The following DIPK1A variants were observed in gnomAD, a reference collection of about 807,000 sequenced individuals.
DIPK1A encodes divergent protein kinase domain 1A.
Under a neutral mutation model 40.8 loss-of-function variants are expected in DIPK1A, and 27 were observed. The observed-to-expected ratio is 0.66, with a 90% CI of 0.49 to 0.91. DIPK1A has a LOEUF of 0.91. Ranked by LOEUF, DIPK1A falls within the 40% of genes least tolerant of loss-of-function variation. The pLI is 0.00. For missense variants in DIPK1A, 412 were observed against 505.7 expected, an observed-to-expected ratio of 0.81 and a Z score of 1.78; for synonymous variants, 166 against 171.3, an observed-to-expected ratio of 0.97 and a Z score of 0.24.
At chr1:92,925,716 G>C (rs1650476663) in intron 1 of DIPK1A, among the ~76,000 whole-genome samples, 1 of 151,994 alleles carries the variant, frequency 6.6e-6, no homozygotes, top group African/African-American at 2.4e-5. Context: ...GGCTGGTCTT[G>C]AACTTCGGAC....
At chr1:92,957,670 GAGA>G (rs1238595396) in intron 1 of DIPK1A, among the ~76,000 whole-genome samples, 1 of 152,340 alleles carries the variant, frequency 6.6e-6, no homozygotes, top group East Asian at 1.9e-4. Context: ...AAAAGGCAGA[GAGA>G]AGAAGGACGA....
At chr1:92,918,785 G>A (rs1303232343) in intron 1 of DIPK1A, among the ~76,000 whole-genome samples, 4 of 152,126 alleles carry the variant, frequency 2.6e-5, no homozygotes, top group African/African-American at 9.7e-5. Flanking sequence ...TGGGGAGTGC[G>A]GGTGAGGTGG....
chr1:92,852,201 T>C (rs896434931), intron 2 of DIPK1A, among the ~76,000 whole-genome samples: 3 of 151,990 alleles, frequency 2.0e-5, no homozygotes, highest in Admixed American at 2.0e-4. Context: ...AAATGTCAGA[T>C]AAAAAAAATT....
chr1:92,928,374 G>A (rs1360989261), intron 1 of DIPK1A, among the ~76,000 whole-genome samples: 1 of 152,102 alleles, frequency 6.6e-6, no homozygotes, highest in Admixed American at 6.5e-5. Flanking sequence ...CTACAATACA[G>A]TGCTTTAATT....
chr1:92,941,598 A>T (rs1027113854), intron 1 of DIPK1A, among the ~76,000 whole-genome samples: 1 of 152,190 alleles, frequency 6.6e-6, no homozygotes, highest in East Asian at 1.9e-4. Context: ...TAGTTTTTAC[A>T]TCCAGGGCAA....
chr1:92,865,691 T>C (rs1259151674), intron 2 of DIPK1A, among the ~76,000 whole-genome samples: 1 of 152,198 alleles, frequency 6.6e-6, no homozygotes, highest in Admixed American at 6.5e-5. Flanking sequence ...TAAACTTGAA[T>C]TCAAATTGCA....
intron 1 of DIPK1A, among the ~76,000 whole-genome samples, chr1:92,881,624 A>G (rs1648380330): frequency 6.6e-6 from 1 of 152,210 alleles, no homozygotes. Context: ...GCCTGTGACT[A>G]GGCTCAATGG....
rs947662398 is a variant in DIPK1A, at chr1:92,835,168, G to A, written c.475-2134C>T. 1.3e-5 allele frequency: 7 copies of A among 542,986 alleles called. No homozygotes were observed. In the African/African-American group the frequency reaches 1.3e-4, roughly 10 times the overall value. The allele number at this position is 542,986 out of a possible 1,614,324, so 33.6% of individuals were successfully genotyped here. On this transcript the variant is annotated intron_variant, in intron 4 of 4. Coordinates refer to the DIPK1A transcript ENST00000615519. ...TGCAGCTGTTGAGTTCCAGCAGTAT[G>A]TAAACTTGAATTTGAAAATCCACTT...
intron 1 of DIPK1A, among the ~76,000 whole-genome samples, chr1:92,920,671 G>A (rs1433999408): frequency 6.6e-6 from 1 of 152,214 alleles, no homozygotes; most frequent in East Asian, 1.9e-4. Flanking sequence ...TGGTTGATTG[G>A]TGAGTTAGTC....
At chr1:92,910,716 T>C (rs1279934560) in intron 1 of DIPK1A, among the ~76,000 whole-genome samples, 1 of 152,210 alleles carries the variant, frequency 6.6e-6, no homozygotes, top group Non-Finnish European at 1.5e-5. Context: ...GGTGCAATGA[T>C]ATGCAGCTGT....
At chr1:92,954,793 A>G (rs1265812518) in intron 1 of DIPK1A, among the ~76,000 whole-genome samples, 1 of 152,224 alleles carries the variant, frequency 6.6e-6, no homozygotes, top group Non-Finnish European at 1.5e-5. Flanking sequence ...CCTAACTGCT[A>G]CAAAAAAAGA....
chr1:92,897,769 G>T (rs1449790909), intron 1 of DIPK1A, among the ~76,000 whole-genome samples: 3 of 148,492 alleles, frequency 2.0e-5, no homozygotes, highest in African/African-American at 7.5e-5. Context: ...TTTTTAAAGA[G>T]ACAAGGTGTA....
At position 92,961,366 on chromosome 1, in the gene DIPK1A, G is replaced by A. The variant is rs769488210; in HGVS notation, c.54+10C>T. 4 of 1,506,738 alleles carry A rather than the reference G, an allele frequency of 2.7e-6. No individual in the cohort carries two copies. The highest frequency in any genetic ancestry group is 2.9e-5 in the East Asian group (1 of 34,564). The allele number at this position is 1,506,738 out of a possible 1,614,324, so 93.3% of individuals were successfully genotyped here. A position where few individuals can be genotyped will look rare whatever the true frequency, so the allele number is the denominator to read the frequency against. ...TCCCGCAGCTGGTGGCTGGGCGGCC[G>A]CCGGCCTACCTGGAGGTAATAGGGT... On this transcript the variant is annotated intron_variant, in intron 1 of 4. Transcript: ENST00000370310.
At chr1:92,959,898 A>G (rs1651995388) in intron 1 of DIPK1A, among the ~76,000 whole-genome samples, 1 of 48,448 alleles carries the variant, frequency 2.1e-5, no homozygotes. Flanking sequence ...CAGGCACCCA[A>G]CCAACTTTTT....
In DIPK1A at chr1:92,961,435, T is replaced by G. The variant is rs1652090180; in HGVS notation, c.-6A>C. 1 of 1,503,402 alleles carries G rather than the reference T, an allele frequency of 6.7e-7. No individual in the cohort carries two copies. Among genetic ancestry groups the G allele is most frequent in the South Asian group, 1.2e-5 (1 of 82,890 alleles). 93.1% of individuals were successfully genotyped at this position (1,503,402 alleles called of 1,614,324 possible). A position where few individuals can be genotyped will look rare whatever the true frequency, so the allele number is the denominator to read the frequency against. On this transcript the variant is annotated 5_prime_UTR_variant, in exon 1 of 5. Transcript: ENST00000370310. ...GGACAGAGACTCCTCGCCATGGTAA[T>G]CACACATCGCCCCGCCGCGCTGCAG...
chr1:92,840,147 G>A (rs1687293725), downstream of DIPK1A: 1 of 251,502 alleles, frequency 4.0e-6, no homozygotes, highest in Admixed American at 5.2e-5. Flanking sequence ...GGGACTACAG[G>A]TGCATGCCAC....
intron 1 of DIPK1A, among the ~76,000 whole-genome samples, chr1:92,896,030 C>A (rs1442591924): frequency 6.6e-6 from 1 of 152,114 alleles, no homozygotes. Flanking sequence ...GAAGAACATT[C>A]CATGCTCATG....
chr1:92,911,733 G>T (rs977883172), intron 1 of DIPK1A, among the ~76,000 whole-genome samples: 1 of 152,098 alleles, frequency 6.6e-6, no homozygotes, highest in African/African-American at 2.4e-5. Flanking sequence ...AGGCGCAGTG[G>T]CTCATGCCTG....
At chr1:92,838,397 T>G (rs773306799), downstream of DIPK1A, among the ~76,000 whole-genome samples, 1 of 152,234 alleles carries the variant, frequency 6.6e-6, no homozygotes, top group Non-Finnish European at 1.5e-5. Flanking sequence ...ACTTTTGGAT[T>G]ATGATTCTAC....
Sources: allele counts gnomAD v4.1 joint callset (sites outside exome capture counted in the v4.1 genomes callset), GRCh38; gene constraint gnomAD v4.1.1; transcripts MANE v1.5; gene names NCBI Gene and HGNC (gene_info 2026-07-23, HGNC 2026-07-21).